SMS: variants seen among roughly 807,000 people sequenced by gnomAD.
SMS encodes the protein spermidine aminopropyltransferase.
In SMS, 3 loss-of-function variants were observed where a neutral mutation model predicts 33.0. The ratio of observed to expected loss-of-function variants is 0.09; its 90% CI spans 0.04 to 0.23. SMS has a LOEUF of 0.23. Ranked by LOEUF, SMS falls within the 10% of genes least tolerant of loss-of-function variation. The pLI, the probability that SMS is intolerant of heterozygous loss-of-function variation, is 1.00. For missense variants in SMS, 117 were observed against 288.6 expected, an observed-to-expected ratio of 0.41 and a Z score of 4.31; for synonymous variants, 103 against 112.2, an observed-to-expected ratio of 0.92 and a Z score of 0.52.
chrX:21,972,582 T>C lies in SMS; in HGVS notation c.329+11T>C. ...TGGGCGGGTGAAACGGTAAGTCCAC[T>C]CTTGAATGTCCTTTTATATTTAATC... On this transcript the variant is annotated intron_variant, in intron 4 of 10. Transcript: ENST00000404933. The C allele has an allele frequency of 1.8e-6, 2 of 1,109,822 alleles. No individual in the cohort carries two copies. Among genetic ancestry groups the C allele is most frequent in the Non-Finnish European group, 2.5e-6 (2 of 803,121 alleles). 91.5% of individuals were successfully genotyped at this position (1,109,822 alleles called of 1,213,427 possible). A position where few individuals can be genotyped will look rare whatever the true frequency, so the allele number is the denominator to read the frequency against.
intron 4 of SMS, among the ~76,000 whole-genome samples, chrX:21,975,776 G>A (rs1602209182): frequency 9.0e-6 from 1 of 110,979 alleles, no homozygotes; most frequent in South Asian, 3.9e-4. Context: ...TTCAATCTCG[G>A]TGTTCTTTAT....
rs767053762 is a variant in SMS, at chrX:21,944,990, C to T, written c.49+4117C>T. ...AGACTGTGTGTCAAAAAAGCAAAAC[C>T]CGCACACAAAAACAGTGGTGAGTGA... On this transcript the variant is annotated intron_variant, in intron 1 of 10. Transcript: ENST00000404933. Among the ~76,000 whole-genome samples, 13 of 111,658 alleles carry T rather than the reference C, an allele frequency of 1.2e-4. No homozygotes were observed. The East Asian group carries it at 3.7e-3, about 31-fold the overall frequency.
intron 1 of SMS, among the ~76,000 whole-genome samples, chrX:21,941,655 G>T (rs1308777432): frequency 2.7e-5 from 3 of 109,923 alleles, no homozygotes; most frequent in African/African-American, 9.9e-5. Flanking sequence ...GGGAGGCCGA[G>T]GCGGGCGGAT....
chrX:21,982,937 A>T (rs1424304439), intron 7 of SMS, among the ~76,000 whole-genome samples: 1 of 112,481 alleles, frequency 8.9e-6, no homozygotes, highest in Admixed American at 9.4e-5. Context: ...AAACAATAGG[A>T]CAGAAAAGTC....
At chrX:21,942,801 T>C (rs952133168) in intron 1 of SMS, among the ~76,000 whole-genome samples, 23 of 108,654 alleles carry the variant, frequency 2.1e-4, no homozygotes, top group South Asian at 4.1e-4. Context: ...AACACTCACC[T>C]GTATTTATCG....
chrX:21,943,499 T>A (rs767161723), intron 1 of SMS, among the ~76,000 whole-genome samples: 10 of 111,408 alleles, frequency 9.0e-5, no homozygotes, highest in Non-Finnish European at 1.3e-4. Flanking sequence ...AAGACGTGTA[T>A]AGATCAGAAT....
chrX:21,962,874 C>T (rs754485478), intron 1 of SMS, among the ~76,000 whole-genome samples: 6 of 110,153 alleles, frequency 5.4e-5, no homozygotes, highest in South Asian at 4.0e-4. Context: ...AGGCTGGTCT[C>T]GAACTCCTGG....
intron 1 of SMS, among the ~76,000 whole-genome samples, chrX:21,965,290 G>C (rs1263933743): frequency 9.0e-6 from 1 of 111,492 alleles, no homozygotes; most frequent in Non-Finnish European, 1.9e-5. Flanking sequence ...ACTACAGTGG[G>C]AGAGAGTGAA....
At chrX:21,941,403 G>C (rs1602173578) in intron 1 of SMS, 1 of 209,387 alleles carries the variant, frequency 4.8e-6, no homozygotes, top group Non-Finnish European at 8.8e-6. Flanking sequence ...GTTTCCCCTC[G>C]TAGGGAGCTG....
chrX:21,944,539 A>AAAAAAAAG (rs776946474), intron 1 of SMS, among the ~76,000 whole-genome samples: 3 of 81,429 alleles, frequency 3.7e-5, no homozygotes, highest in African/African-American at 9.8e-5. Flanking sequence ...AAAAAAAAAA[A>AAAAAAAAG]AAAAAAGAAA....
chrX:21,991,935 A>G (rs1925785449), intron 9 of SMS, among the ~76,000 whole-genome samples: 1 of 112,030 alleles, frequency 8.9e-6, no homozygotes, highest in Admixed American at 9.5e-5. Context: ...AGCAGCTACC[A>G]GCAGACTTCC....
chrX:21,976,528 T>A (rs1924541498), intron 4 of SMS, among the ~76,000 whole-genome samples: 1 of 109,686 alleles, frequency 9.1e-6, no homozygotes, highest in African/African-American at 3.3e-5. Flanking sequence ...TACTTGGAGA[T>A]ATCAGTGTCA....
intron 4 of SMS, among the ~76,000 whole-genome samples, chrX:21,975,450 G>A (rs1037945875): frequency 9.0e-6 from 1 of 111,589 alleles, no homozygotes; most frequent in Non-Finnish European, 1.9e-5. Context: ...AGTAATTGCC[G>A]ATAGGTGGCT....
Position 21,976,931 on chromosome X carries a change from A to G in SMS, c.330-130A>G, listed in dbSNP as rs777560602. 18 of 609,159 alleles carry G rather than the reference A, an allele frequency of 3.0e-5. No individual in the cohort carries two copies. In the East Asian group the frequency reaches 4.9e-4, roughly 17 times the overall value. 50.2% of individuals were successfully genotyped at this position (609,159 alleles called of 1,213,427 possible). A position where few individuals can be genotyped will look rare whatever the true frequency, so the allele number is the denominator to read the frequency against. On this transcript the variant is annotated intron_variant, in intron 4 of 10. Coordinates refer to ENST00000404933, the MANE Select transcript of SMS (RefSeq NM_004595.5). ...GTGATTATATAAAACTAAAAGCCCA[A>G]GCTTTGGATTCGTTTTGTGCTTGTC...
At chrX:21,982,199 G>A (rs1406795524) in intron 7 of SMS, among the ~76,000 whole-genome samples, 4 of 108,454 alleles carry the variant, frequency 3.7e-5, no homozygotes, top group Non-Finnish European at 5.7e-5. Context: ...TTAGCTGGGC[G>A]TGGTGGCGGG....
chrX:21,971,042 C>T (rs1392790323), intron 2 of SMS, among the ~76,000 whole-genome samples: 1 of 109,285 alleles, frequency 9.2e-6, no homozygotes, highest in African/African-American at 3.3e-5. Context: ...ACTAAAAATA[C>T]AAAATTAGCC....
intron 6 of SMS, 90 bp from the exon 7 acceptor site, chrX:21,978,786 TA>T: frequency 1.5e-6 from 1 of 665,318 alleles, no homozygotes; most frequent in Non-Finnish European, 2.5e-6. Flanking sequence ...GTTAGTATTA[TA>T]AAACCTTTGT....
At chrX:21,945,634 T>TCCCCCCC (rs376720187) in intron 1 of SMS, among the ~76,000 whole-genome samples, 44 of 34,127 alleles carry the variant, frequency 1.3e-3, no homozygotes, top group Non-Finnish European at 1.6e-3. Context: ...TTGCTTCCCG[T>TCCCCCCC]CCCCCCCCCC....
intron 1 of SMS, among the ~76,000 whole-genome samples, chrX:21,960,845 T>C (rs1179088202): frequency 9.0e-6 from 1 of 110,786 alleles, no homozygotes; most frequent in African/African-American, 3.3e-5. Flanking sequence ...GCTAAAGTTT[T>C]TGAAGTTGAA....
Sources: allele counts gnomAD v4.1 joint callset (sites outside exome capture counted in the v4.1 genomes callset), GRCh38; gene constraint gnomAD v4.1.1; transcripts MANE v1.5; gene names NCBI Gene and HGNC (gene_info 2026-07-23, HGNC 2026-07-21).